ZFPM2: variants seen among roughly 807,000 people sequenced by gnomAD.
ZFPM2 encodes the protein zinc finger protein ZFPM2.
In ZFPM2, 20 loss-of-function variants were observed where a neutral mutation model predicts 98.6. That is an observed-to-expected ratio of 0.20 (90% CI 0.14 to 0.29). The LOEUF is 0.29. ZFPM2 is among the 10% of genes least tolerant of loss of function. The pLI is 1.00. For missense variants in ZFPM2, 1,310 were observed against 1,388.6 expected, an observed-to-expected ratio of 0.94 and a Z score of 0.90; for synonymous variants, 518 against 502.7, an observed-to-expected ratio of 1.03 and a Z score of -0.41.
chr8:105,762,700 A>C (rs891085222), intron 5 of ZFPM2, among the ~76,000 whole-genome samples: 9 of 151,584 alleles, frequency 5.9e-5, no homozygotes, highest in Admixed American at 2.0e-4. Context: ...ATGCTATACC[A>C]CACACACACA....
At chr8:105,515,296 C>G (rs757235295) in intron 3 of ZFPM2, among the ~76,000 whole-genome samples, 1 of 152,180 alleles carries the variant, frequency 6.6e-6, no homozygotes, top group East Asian at 1.9e-4. Flanking sequence ...ATACTAATGC[C>G]GCTTTCCATC....
chr8:105,710,626 A>T (rs1482860601), intron 5 of ZFPM2, among the ~76,000 whole-genome samples: 3 of 151,668 alleles, frequency 2.0e-5, no homozygotes, highest in Non-Finnish European at 4.4e-5. Flanking sequence ...GAACTCTGTC[A>T]TAACCTCAAT....
intron 4 of ZFPM2, among the ~76,000 whole-genome samples, chr8:105,563,085 C>T (rs1038956923): frequency 6.6e-6 from 1 of 152,144 alleles, no homozygotes; most frequent in Non-Finnish European, 1.5e-5. Context: ...TAGGAACAGT[C>T]TTGTGACTTT....
intron 5 of ZFPM2, among the ~76,000 whole-genome samples, chr8:105,777,056 C>A (rs1813120481): frequency 6.6e-6 from 1 of 152,148 alleles, no homozygotes. Flanking sequence ...TAGAAACTGA[C>A]CACATGGGTT....
intron 3 of ZFPM2, among the ~76,000 whole-genome samples, chr8:105,514,605 CTTG>C (rs146347584): frequency 0.013 from 1,968 of 152,170 alleles, 35 homozygotes; most frequent in African/African-American, 0.042. Context: ...TGCCACAGTA[CTTG>C]TTGTGTCTGC....
chr8:105,327,094 T>C (rs1812128837), intron 1 of ZFPM2, among the ~76,000 whole-genome samples: 3 of 151,532 alleles, frequency 2.0e-5, no homozygotes. Flanking sequence ...TGATATGAAT[T>C]ATTCTAATCC....
At chr8:105,499,342 A>G (rs1813540758) in intron 3 of ZFPM2, among the ~76,000 whole-genome samples, 3 of 152,222 alleles carry the variant, frequency 2.0e-5, no homozygotes, top group Non-Finnish European at 4.4e-5. Context: ...TAAAGAGGAT[A>G]CTTGTAATCC....
At chr8:105,434,793 A>G (rs1174099412) in intron 2 of ZFPM2, among the ~76,000 whole-genome samples, 1 of 152,228 alleles carries the variant, frequency 6.6e-6, no homozygotes, top group Non-Finnish European at 1.5e-5. Flanking sequence ...ATAAGAGGTT[A>G]ATATTGATAG....
Position 105,485,449 on chromosome 8 carries a change from T to G in ZFPM2, c.301+41068T>G, listed in dbSNP as rs1370453469. On this transcript the variant is annotated intron_variant, in intron 3 of 7. Coordinates refer to ENST00000407775, the MANE Select transcript of ZFPM2 (RefSeq NM_012082.4). ...GAGGAGATCTCTTGAGTCTAGGAGTTCAAGGCTGCAATGAGCTATGATTGT... is the reference window on the plus strand; with the variant it reads ...GAGGAGATCTCTTGAGTCTAGGAGTGCAAGGCTGCAATGAGCTATGATTGT... Among the ~76,000 whole-genome samples, 3 of 152,194 alleles carry G rather than the reference T, an allele frequency of 2.0e-5. No individual in the cohort carries two copies. In the East Asian group the frequency reaches 5.8e-4, roughly 29 times the overall value.
intron 5 of ZFPM2, among the ~76,000 whole-genome samples, chr8:105,768,088 C>T (rs1166945584): frequency 1.3e-5 from 2 of 148,598 alleles, no homozygotes; most frequent in African/African-American, 4.9e-5. Flanking sequence ...ACATATTCCT[C>T]TCTCTCTCTC....
intron 5 of ZFPM2, among the ~76,000 whole-genome samples, chr8:105,744,195 C>T (rs1812289954): frequency 6.6e-6 from 1 of 152,060 alleles, no homozygotes; most frequent in South Asian, 2.1e-4. Context: ...GTTTTCCTCT[C>T]TCTCAACTCT....
chr8:105,363,212 A>G (rs966404484), intron 1 of ZFPM2, among the ~76,000 whole-genome samples: 3 of 151,636 alleles, frequency 2.0e-5, no homozygotes, highest in African/African-American at 7.3e-5. Context: ...CTTTGTCTCC[A>G]TTTCATCTAT....
intron 3 of ZFPM2, among the ~76,000 whole-genome samples, chr8:105,554,092 C>T (rs1814928140): frequency 6.6e-6 from 1 of 152,108 alleles, no homozygotes; most frequent in African/African-American, 2.4e-5. Context: ...CTGTATGACT[C>T]AAACATTGAG....
chr8:105,351,473 A>G (rs559287797), intron 1 of ZFPM2, among the ~76,000 whole-genome samples: 1 of 152,162 alleles, frequency 6.6e-6, no homozygotes, highest in South Asian at 2.1e-4. Flanking sequence ...CTGACTGTAC[A>G]TCAAATTTAA....
At chr8:105,695,795 T>C (rs1179226410) in intron 5 of ZFPM2, among the ~76,000 whole-genome samples, 2 of 151,894 alleles carry the variant, frequency 1.3e-5, no homozygotes, top group East Asian at 3.9e-4. Flanking sequence ...ATTTAAGTCA[T>C]CTCTACATTG....
chr8:105,575,215 A>C (rs959520298), intron 4 of ZFPM2, among the ~76,000 whole-genome samples: 1 of 152,154 alleles, frequency 6.6e-6, no homozygotes, highest in Non-Finnish European at 1.5e-5. Context: ...TTCATTAATC[A>C]AGTGGAGGCA....
chr8:105,376,843 C>T (rs1252641545), intron 1 of ZFPM2, among the ~76,000 whole-genome samples: 1 of 152,130 alleles, frequency 6.6e-6, no homozygotes, highest in Non-Finnish European at 1.5e-5. Context: ...AGAATCCATC[C>T]TGGGTATAGC....
At chr8:105,504,331 A>C (rs1009973288) in intron 3 of ZFPM2, among the ~76,000 whole-genome samples, 1 of 152,186 alleles carries the variant, frequency 6.6e-6, no homozygotes, top group African/African-American at 2.4e-5. Flanking sequence ...TTTAAGATAG[A>C]CAAATGCTGC....
At chr8:105,335,690 G>A (rs1254406362) in intron 1 of ZFPM2, among the ~76,000 whole-genome samples, 4 of 151,736 alleles carry the variant, frequency 2.6e-5, no homozygotes, top group Admixed American at 1.3e-4. Flanking sequence ...TTAGTGGTCA[G>A]CACCAAAAAT....
Sources: allele counts gnomAD v4.1 joint callset (sites outside exome capture counted in the v4.1 genomes callset), GRCh38; gene constraint gnomAD v4.1.1; transcripts MANE v1.5; gene names NCBI Gene and HGNC (gene_info 2026-07-23, HGNC 2026-07-21).